Variants in CLASP1 observed in about 807,000 individuals in gnomAD.
The protein encoded by CLASP1 is cytoplasmic linker associated protein 1, also known as CLIP-associating protein 1.
Under a neutral mutation model 192.3 loss-of-function variants are expected in CLASP1, and 38 were observed. The ratio of observed to expected loss-of-function variants is 0.20; its 90% CI spans 0.15 to 0.26. The LOEUF is 0.26. Ranked by LOEUF, CLASP1 falls within the 10% of genes least tolerant of loss-of-function variation. The probability of loss-of-function intolerance (pLI) is 1.00; values close to 1 mark genes in which losing one functional copy is unlikely to be tolerated. For missense variants in CLASP1, 1,433 were observed against 1,932.5 expected (o/e 0.74, Z 4.85); for synonymous variants, 691 against 712.8 (o/e 0.97, Z 0.49).
At chr2:121,340,881 C>T (rs779411147) in exon 40 of CLASP1, 13 of 1,611,750 alleles carry the variant, frequency 8.1e-6, no homozygotes, top group Admixed American at 1.7e-5. Flanking sequence ...GTGGAGACAT[C>T]GGAGGAGGAG....
intron 1 of CLASP1, among the ~76,000 whole-genome samples, chr2:121,637,318 T>C (rs1419414755): frequency 6.6e-6 from 1 of 152,028 alleles, no homozygotes; most frequent in African/African-American, 2.4e-5. Context: ...AAGCAAACTA[T>C]AAATGCCACT....
chr2:121,388,786 GAA>G (rs1185230681), intron 30 of CLASP1, among the ~76,000 whole-genome samples: 2 of 152,148 alleles, frequency 1.3e-5, no homozygotes, highest in African/African-American at 4.8e-5. Context: ...TCAAGAGAAA[GAA>G]AAAGACATAA....
At chr2:121,442,170 A>G (rs565344240) in intron 19 of CLASP1, among the ~76,000 whole-genome samples, 2 of 152,312 alleles carry the variant, frequency 1.3e-5, no homozygotes, top group East Asian at 3.9e-4. Flanking sequence ...AAAAAGTATG[A>G]GAATGCATTC....
At chr2:121,347,671 C>CT (rs1420195808) in intron 38 of CLASP1, among the ~76,000 whole-genome samples, 4 of 152,228 alleles carry the variant, frequency 2.6e-5, no homozygotes, top group African/African-American at 9.6e-5. Flanking sequence ...TGAGCTGGGC[C>CT]TCCATCTATC....
intron 2 of CLASP1, among the ~76,000 whole-genome samples, chr2:121,545,708 C>T (rs1468817450): frequency 2.0e-5 from 3 of 152,082 alleles, no homozygotes; most frequent in Non-Finnish European, 4.4e-5. Context: ...ATAGGTGGTA[C>T]TATAATCTTT....
chr2:121,409,019 G>A (rs2149499362), intron 24 of CLASP1: 2 of 1,563,384 alleles, frequency 1.3e-6, no homozygotes, highest in East Asian at 2.3e-5. Context: ...TTAAAGGACT[G>A]GTACCTTGCT....
chr2:121,632,965 GGTGTGTGT>G (rs71398037), intron 1 of CLASP1, among the ~76,000 whole-genome samples: 3 of 137,840 alleles, frequency 2.2e-5, no homozygotes, highest in Admixed American at 7.3e-5. Flanking sequence ...AACAGAGGGA[GGTGTGTGT>G]GTGTGTGTGT....
intron 21 of CLASP1, among the ~76,000 whole-genome samples, chr2:121,427,106 T>G (rs886301254): frequency 6.6e-6 from 1 of 152,054 alleles, no homozygotes; most frequent in Non-Finnish European, 1.5e-5. Context: ...CAAAAATTAA[T>G]AGTTTATAAT....
intron 34 of CLASP1, among the ~76,000 whole-genome samples, chr2:121,368,871 ATCAT>A (rs769898286): frequency 4.6e-5 from 7 of 152,292 alleles, no homozygotes; most frequent in African/African-American, 1.2e-4. Context: ...ACCATTTTTG[ATCAT>A]TCAGTGTCAT....
chr2:121,519,528 C>T (rs952339019), intron 6 of CLASP1, among the ~76,000 whole-genome samples: 7 of 152,230 alleles, frequency 4.6e-5, no homozygotes, highest in Non-Finnish European at 8.8e-5. Context: ...AATATAAACT[C>T]ATTTGAACTC....
chr2:121,524,392 T>G (rs907739679), intron 6 of CLASP1, among the ~76,000 whole-genome samples: 22 of 152,328 alleles, frequency 1.4e-4, no homozygotes, highest in African/African-American at 5.3e-4. Flanking sequence ...TAAATTAACG[T>G]TGAATATAAA....
At chr2:121,626,546 A>G (rs970255489) in intron 1 of CLASP1, among the ~76,000 whole-genome samples, 2 of 152,094 alleles carry the variant, frequency 1.3e-5, no homozygotes, top group African/African-American at 4.8e-5. Flanking sequence ...CTGGGGTCAC[A>G]TAGCAAGTAT....
intron 2 of CLASP1, among the ~76,000 whole-genome samples, chr2:121,583,781 T>C (rs12711556): frequency 0.97 from 147,927 of 152,246 alleles, 71,905 homozygotes; most frequent in East Asian, 1. Flanking sequence ...AACTGCAACT[T>C]AGTGTGATAG....
intron 2 of CLASP1, among the ~76,000 whole-genome samples, chr2:121,573,564 T>C (rs561588863): frequency 3.9e-4 from 60 of 152,364 alleles, no homozygotes; most frequent in African/African-American, 1.4e-3. Flanking sequence ...CCTATTACCC[T>C]GTCACTTCAA....
chr2:121,554,180 A>C (rs1559597222), intron 2 of CLASP1, among the ~76,000 whole-genome samples: 1 of 151,982 alleles, frequency 6.6e-6, no homozygotes, highest in East Asian at 1.9e-4. Context: ...CACCCACTGC[A>C]CTCTGGCCTG....
chr2:121,433,456 T>C (rs1390125078), intron 19 of CLASP1, among the ~76,000 whole-genome samples: 1 of 151,882 alleles, frequency 6.6e-6, no homozygotes, highest in Admixed American at 6.6e-5. Context: ...ACTACATTAA[T>C]AAATTTTAAA....
intron 30 of CLASP1, among the ~76,000 whole-genome samples, chr2:121,395,990 G>T (rs2075222713): frequency 6.6e-6 from 1 of 152,198 alleles, no homozygotes; most frequent in South Asian, 2.1e-4. Context: ...ACTAGGCCTT[G>T]TCTGTGTATT....
intron 2 of CLASP1, among the ~76,000 whole-genome samples, chr2:121,556,162 T>C (rs2058552316): frequency 6.6e-6 from 1 of 151,998 alleles, no homozygotes. Flanking sequence ...TTTCGTATTT[T>C]TTGTATAAAG....
intron 24 of CLASP1, among the ~76,000 whole-genome samples, chr2:121,408,143 C>T (rs1198269475): frequency 6.6e-6 from 1 of 152,170 alleles, no homozygotes; most frequent in East Asian, 1.9e-4. Flanking sequence ...CAGCTGGGCA[C>T]CTGGCACAAT....
Sources: allele counts gnomAD v4.1 joint callset (sites outside exome capture counted in the v4.1 genomes callset), GRCh38; gene constraint gnomAD v4.1.1; transcripts MANE v1.5; gene names NCBI Gene and HGNC (gene_info 2026-07-23, HGNC 2026-07-21).